The following LYSMD1 variants were observed in gnomAD, a reference collection of about 807,000 sequenced individuals.
LYSMD1 encodes the protein LysM domain containing 1, also known as lysM and putative peptidoglycan-binding domain-containing protein 1.
LYSMD1 carries 9 observed loss-of-function variants against 19.3 expected under a neutral mutation model. The ratio of observed to expected loss-of-function variants is 0.47; its 90% confidence interval spans 0.28 to 0.81. The LOEUF is 0.81. LYSMD1 is among the 40% of genes least tolerant of loss of function. The probability of loss-of-function intolerance (pLI) is 0.11; values close to 1 mark genes in which losing one functional copy is unlikely to be tolerated. For missense variants in LYSMD1, 262 were observed against 279.8 expected, an observed-to-expected ratio of 0.94 and a Z score of 0.45; for synonymous variants, 111 against 111.7, an observed-to-expected ratio of 0.99 and a Z score of 0.04.
chr1:151,162,184 T>G, intron 1 of LYSMD1, 84 bp from the exon 2 acceptor site: 1 of 1,276,284 alleles, frequency 7.8e-7, no homozygotes, highest in Non-Finnish European at 1.1e-6. Flanking sequence ...CTGTACAGAG[T>G]CTTCTTTGAT....
chr1:151,159,254 A>G (rs1388954668), downstream of LYSMD1: 1 of 1,609,250 alleles, frequency 6.2e-7, no homozygotes, highest in South Asian at 1.1e-5. Context: ...AAGCTCTGAG[A>G]GCCCTGAGCC....
Position 151,165,142 on chromosome 1 carries a change from G to T in LYSMD1, c.117C>A (p.Arg39=), listed in dbSNP as rs1558203222. The change falls in exon 1 of 3, where the codon CGC becomes CGA. Residue 39 remains arginine (R), a synonymous_variant. Coordinates refer to ENST00000368908, the MANE Select transcript of LYSMD1 (RefSeq NM_212551.5). ...QSACSPVRER[R]LEHQLEPGDT... is the part of the protein sequence containing the mutation. ...CTCCGGGCTCCAACTGATGCTCCAG[G>T]CGTCTTTCCCTCACTGGGGAGCAGG... 2 of 1,614,018 alleles carry T rather than the reference G, an allele frequency of 1.2e-6. No individual in the cohort carries two copies. Among genetic ancestry groups the T allele is most frequent in the Non-Finnish European group, 1.7e-6 (2 of 1,180,026 alleles).
downstream of LYSMD1, chr1:151,158,548 C>A: frequency 1.3e-6 from 1 of 764,962 alleles, no homozygotes; most frequent in Non-Finnish European, 2.1e-6. Flanking sequence ...GACTGAGGGG[C>A]CCCAGGGGGC....
At position 151,165,175 on chromosome 1, in the gene LYSMD1, C is replaced by T. The variant is rs1683629114; in HGVS notation, c.84G>A (p.Val28=). Residue 28 remains valine, a synonymous_variant, in exon 1 of 3, where the codon GTG becomes GTA. Coordinates refer to ENST00000368908, the MANE Select transcript of LYSMD1 (RefSeq NM_212551.5). ...CCCTCACTGGGGAGCAGGCCGATTG[C>T]ACCAGGCTTCCATATGAACGAGCCC... is the stretch of plus-strand genomic sequence containing the variant. The part of the protein sequence containing the change: ...GSRARSYGSL[V]QSACSPVRER... 3.7e-6 allele frequency: 6 copies of T among 1,614,210 alleles called. No individual in the cohort carries two copies. Among genetic ancestry groups the T allele is most frequent in the Non-Finnish European group, 5.1e-6 (6 of 1,180,032 alleles).
chr1:151,157,553 G>A (rs1244789154), downstream of LYSMD1, among the ~76,000 whole-genome samples: 1 of 152,206 alleles, frequency 6.6e-6, no homozygotes, highest in Non-Finnish European at 1.5e-5. Flanking sequence ...TTCTTGAGGT[G>A]TTGGCTTCTC....
At chr1:151,159,139 G>C, downstream of LYSMD1, 1 of 1,614,162 alleles carries the variant, frequency 6.2e-7, no homozygotes, top group Non-Finnish European at 8.5e-7. Context: ...CCACGTGTTT[G>C]ATCACTTCTC....
the LYSMD1 span, among the ~76,000 whole-genome samples, chr1:151,151,168 A>G: frequency 6.6e-6 from 1 of 152,028 alleles, no homozygotes; most frequent in Admixed American, 6.6e-5. Flanking sequence ...GAACAGTTAC[A>G]AAACCAACAG....
At chr1:151,158,969 G>A (rs375508501), downstream of LYSMD1, 117 of 1,614,258 alleles carry the variant, frequency 7.2e-5, 1 homozygote, top group Middle Eastern at 5.1e-3. Context: ...ACCCGCTTTC[G>A]CCAGAAGCTG....
chr1:151,151,906 GC>G, the LYSMD1 span, among the ~76,000 whole-genome samples: 1 of 147,396 alleles, frequency 6.8e-6, no homozygotes, highest in African/African-American at 2.5e-5. Flanking sequence ...TCTGGCCTGA[GC>G]AACAAGAGCG....
chr1:151,163,878 TTGTGTGTGTGTG>T (rs57906452), intron 1 of LYSMD1, among the ~76,000 whole-genome samples: 5 of 141,944 alleles, frequency 3.5e-5, no homozygotes, highest in African/African-American at 1.3e-4. Flanking sequence ...TTTCCTATCT[TTGTGTGTGTGTG>T]TGTGTGTGTG....
downstream of LYSMD1, among the ~76,000 whole-genome samples, chr1:151,155,201 G>A (rs1007615190): frequency 5.3e-5 from 8 of 151,956 alleles, no homozygotes; most frequent in South Asian, 2.1e-4. Context: ...TGCTTATGCC[G>A]TCCCCATCAT....
In LYSMD1 at chr1:151,160,972, C is replaced by T; in HGVS notation, c.594G>A (p.Gln198=). The T allele has an allele frequency of 6.2e-7, 1 of 1,614,190 alleles. No homozygotes were observed. ...GCACAGGACCTAGGACTGCTCGTTG[C>T]TGCATCCAAGGGGAGCTCAGGTGGA... ...AGLHLSSPWM[Q]QRAVLGPVPL... Residue 198 remains glutamine (Q), a synonymous_variant, in exon 3 of 3, where the codon CAG becomes CAA. Transcript: ENST00000368908.
chr1:151,158,734 G>A (rs780489680), downstream of LYSMD1: 14 of 1,611,490 alleles, frequency 8.7e-6, no homozygotes, highest in Admixed American at 1.8e-4. Context: ...GGCACTGCAA[G>A]CAGAGAAGAA....
At chr1:151,158,364 T>C (rs1307542250), downstream of LYSMD1, among the ~76,000 whole-genome samples, 1 of 151,302 alleles carries the variant, frequency 6.6e-6, no homozygotes, top group Middle Eastern at 3.4e-3. Context: ...GTAAGCCCTG[T>C]CTTCACTGCA....
chr1:151,165,321 C>T lies in LYSMD1; in HGVS notation c.-63G>A. 6.4e-7 allele frequency: 1 copy of T among 1,572,586 alleles called. No homozygotes were observed. Among genetic ancestry groups the T allele is most frequent in the Non-Finnish European group, 8.6e-7 (1 of 1,158,336 alleles). On this transcript the variant is annotated 5_prime_UTR_variant, in exon 1 of 3. Coordinates refer to ENST00000368908, the MANE Select transcript of LYSMD1 (RefSeq NM_212551.5). The stretch of plus-strand genomic sequence containing the variant: ...GAGGTACGACCGAGACTGCGACTGA[C>T]AGGCCTGAAGTCTGGGAATGAATAT...
chr1:151,154,490 GA>G, the LYSMD1 span, among the ~76,000 whole-genome samples: 2 of 134,024 alleles, frequency 1.5e-5, no homozygotes, highest in Non-Finnish European at 3.2e-5. Context: ...AAAAAAAAAA[GA>G]AAGAAAGAGA....
At position 151,165,732 on chromosome 1, in the gene LYSMD1, G is replaced by A. The variant is rs1320304817; in HGVS notation, c.-474C>T. On this transcript the variant is annotated 5_prime_UTR_variant, in exon 1 of 3. Coordinates refer to ENST00000368908, the MANE Select transcript of LYSMD1 (RefSeq NM_212551.5). ...CAGACGAAGAGCGTGAGGATTGCAAGAATTTGTAGTACACCTTCCACTCAG... is the reference window on the plus strand; with the variant it reads ...CAGACGAAGAGCGTGAGGATTGCAAAAATTTGTAGTACACCTTCCACTCAG... 3 of 1,551,692 alleles carry A rather than the reference G, an allele frequency of 1.9e-6. No individual in the cohort carries two copies. The highest frequency in any genetic ancestry group is 2.6e-6 in the Non-Finnish European group (3 of 1,146,996).
rs1274836333 is a variant in LYSMD1 at position 151,165,241 on chromosome 1, T to G, written c.18A>C (p.Arg6Ser). The change falls in exon 1 of 3, where the codon AGA becomes AGC. Residue 6 changes from arginine (R) to serine (S), a missense_variant. Physicochemically the swap from Arg to Ser is moderately radical, Grantham distance 110 (BLOSUM62 -1). Transcript: ENST00000368908. ...GTCCTGACCCCCCTGGCGGGGGCTG[T>G]CTAGACGGGGAAGCCATCTCTTCAC... MASPS[R>S]QPPPGGSGLL... is the part of the protein sequence containing the mutation. 5.6e-6 allele frequency: 9 copies of G among 1,613,232 alleles called. No homozygotes were observed. Among genetic ancestry groups the G allele is most frequent in the Non-Finnish European group, 7.6e-6 (9 of 1,179,586 alleles).
At chr1:151,162,205 C>T in intron 1 of LYSMD1, 105 bp from the exon 2 acceptor site, 1 of 1,125,982 alleles carries the variant, frequency 8.9e-7, no homozygotes, top group South Asian at 1.6e-5. Context: ...TCCATAACAA[C>T]CAAGCTAAAG....
Sources: gnomAD v4.1 joint callset for allele counts (sites outside exome capture counted in the v4.1 genomes callset) on GRCh38, gnomAD v4.1.1 for gene constraint, MANE v1.5 for transcripts, NCBI Gene and HGNC (gene_info 2026-07-23, HGNC 2026-07-21) for gene names.